Variants in EFCAB8 observed in about 807,000 individuals in gnomAD.
The protein encoded by EFCAB8 is EF-hand calcium binding domain 8, also known as EF-hand calcium-binding domain-containing protein 8.
A neutral mutation model predicts 116.3 loss-of-function variants in EFCAB8; 100 were observed. The observed-to-expected ratio is 0.86, with a 90% CI of 0.73 to 1.02. The LOEUF (loss-of-function observed/expected upper bound fraction) is 1.02, where lower values mean the gene tolerates loss of function less well. Among genes scored for constraint, EFCAB8 ranks in the 50% least tolerant of loss-of-function variants. EFCAB8 has a pLI of 0.00. For missense variants in EFCAB8, 1,320 were observed against 1,416.9 expected, an observed-to-expected ratio of 0.93 and a Z score of 1.10; for synonymous variants, 558 against 567.9, an observed-to-expected ratio of 0.98 and a Z score of 0.25.
At chr20:32,862,697 G>A (rs779862614) in intron 1 of EFCAB8, among the ~76,000 whole-genome samples, 1 of 151,838 alleles carries the variant, frequency 6.6e-6, no homozygotes, top group Admixed American at 6.6e-5. Flanking sequence ...GCTCGATCTC[G>A]GCTCATGGCA....
rs147867669 is a variant in EFCAB8 at position 32,957,542 on chromosome 20, C to T, written c.2960-879C>T. 6.7e-3 allele frequency among the ~76,000 whole-genome samples: 1,027 copies of T among 152,262 alleles called. 13 individuals are homozygous for T. In the Middle Eastern group the frequency reaches 0.071, roughly 11 times the overall value. On this transcript the variant is annotated intron_variant, in intron 23 of 26. Transcript: ENST00000400522. ...GGTTGAAATCTGTGTCTGTTTCAGG[C>T]TCCTCCTTCAGTGGGACTCTGTCTC... is the stretch of plus-strand genomic sequence containing the variant.
chr20:32,928,200 A>C (rs947415742), intron 20 of EFCAB8, among the ~76,000 whole-genome samples: 1 of 151,082 alleles, frequency 6.6e-6, no homozygotes, highest in African/African-American at 2.4e-5. Flanking sequence ...TCCTTTTCAG[A>C]TTGTTCAACG....
rs1986156330 is a variant in EFCAB8 at position 32,896,326 on chromosome 20, G to A, written c.884-128G>A. On this transcript the variant is annotated intron_variant, in intron 9 of 26. Coordinates refer to ENST00000400522, the MANE Select transcript of EFCAB8 (RefSeq NM_001143967.2). ...CAGGACACAGTGAGGTGCCAGTGAG[G>A]GTTTGGGTGGAAAAGCCTTTTGAGA... 9.4e-6 allele frequency: 6 copies of A among 640,144 alleles called. No homozygotes were observed. The Admixed American group carries it at 1.3e-4, about 14-fold the overall frequency. 39.7% of individuals were successfully genotyped at this position (640,144 alleles called of 1,614,324 possible).
intron 16 of EFCAB8, among the ~76,000 whole-genome samples, chr20:32,912,520 G>A (rs555663931): frequency 8.6e-5 from 13 of 151,992 alleles, no homozygotes; most frequent in Non-Finnish European, 1.6e-4. Flanking sequence ...TCACTCAGTA[G>A]TGACTTGACC....
chr20:32,916,557 C>T (rs1448029792), intron 17 of EFCAB8, among the ~76,000 whole-genome samples: 1 of 152,152 alleles, frequency 6.6e-6, no homozygotes, highest in Non-Finnish European at 1.5e-5. Context: ...CCATGCCTAG[C>T]CTAGGACCTC....
intron 26 of EFCAB8, 52 bp downstream of exon 26, chr20:32,960,213 T>C: frequency 2.0e-6 from 3 of 1,503,112 alleles, no homozygotes; most frequent in Non-Finnish European, 2.7e-6. Flanking sequence ...GGCCAGGGGA[T>C]CCCATGTCCA....
chr20:32,877,486 G>A (rs1985039693), intron 4 of EFCAB8, among the ~76,000 whole-genome samples: 1 of 152,178 alleles, frequency 6.6e-6, no homozygotes, highest in Non-Finnish European at 1.5e-5. Context: ...TGGGATTACA[G>A]GTGTGAGCCA....
chr20:32,956,477 TGATCAAATTTTCA>T lies in EFCAB8; in HGVS notation c.2960-1937_2960-1925del, dbSNP rs1224398594. On this transcript the variant is annotated intron_variant, in intron 23 of 26. Coordinates refer to ENST00000400522, the MANE Select transcript of EFCAB8 (RefSeq NM_001143967.2). ...TTAATAATTTTCAGATCAAATTTTC[TGATCAAATTTTCA>T]GATCAATAGTTTATTGATCTGAAAA... is the stretch of plus-strand genomic sequence containing the variant. Among the ~76,000 whole-genome samples the T allele has an allele frequency of 3.9e-5, 6 of 152,242 alleles. No individual in the cohort carries two copies. The East Asian group carries it at 7.8e-4, about 20-fold the overall frequency.
At chr20:32,897,813 CAG>C (rs1220478510) in intron 10 of EFCAB8, among the ~76,000 whole-genome samples, 1 of 152,112 alleles carries the variant, frequency 6.6e-6, no homozygotes, top group Non-Finnish European at 1.5e-5. Context: ...TGCTTGGTGA[CAG>C]TGTGTGTAAA....
rs1233963901 is a variant in EFCAB8 at position 32,875,707 on chromosome 20, C to T, written c.209-219C>T. 3.3e-5 allele frequency among the ~76,000 whole-genome samples: 5 copies of T among 151,898 alleles called. No homozygotes were observed. The South Asian group carries it at 1.0e-3, about 32-fold the overall frequency. On this transcript the variant is annotated intron_variant, in intron 3 of 26. Coordinates refer to ENST00000400522, the MANE Select transcript of EFCAB8 (RefSeq NM_001143967.2). The stretch of plus-strand genomic sequence containing the variant: ...TATTTTTAGTAGAGACAGGGTTTCA[C>T]CATGTGGATCAGGCTGGTCTTGAAC...
chr20:32,863,111 C>T (rs150523745), intron 1 of EFCAB8, among the ~76,000 whole-genome samples: 1 of 151,984 alleles, frequency 6.6e-6, no homozygotes, highest in Non-Finnish European at 1.5e-5. Context: ...GCCCCCTGTG[C>T]GTGTCTTGGG....
At chr20:32,931,737 G>A (rs1004053712) in intron 22 of EFCAB8, among the ~76,000 whole-genome samples, 15 of 152,286 alleles carry the variant, frequency 9.8e-5, no homozygotes, top group African/African-American at 4.8e-5. Flanking sequence ...CAGCCTGGGC[G>A]ACAGAGCAAG....
At chr20:32,876,346 C>T (rs575300856) in intron 4 of EFCAB8, among the ~76,000 whole-genome samples, 2 of 152,342 alleles carry the variant, frequency 1.3e-5, no homozygotes, top group East Asian at 3.9e-4. Flanking sequence ...TCCCATTTGG[C>T]TTGGGGGATT....
rs974737532 is a variant in EFCAB8 at position 32,866,793 on chromosome 20, TTCCC to T, written c.43-774_43-771del. Among the ~76,000 whole-genome samples, 27 of 138,836 alleles carry T rather than the reference TTCCC, an allele frequency of 1.9e-4. 1 individual carries two copies. The highest frequency in any genetic ancestry group is 5.7e-4 in the Admixed American group (8 of 13,988). 91.1% of individuals were successfully genotyped at this position (138,836 alleles called of 152,430 possible). A position where few individuals can be genotyped will look rare whatever the true frequency, so the allele number is the denominator to read the frequency against. On this transcript the variant is annotated intron_variant, in intron 2 of 26. Transcript: ENST00000400522. The stretch of plus-strand genomic sequence containing the variant: ...CTTCCTCCCTTTCTTCCTTCCTTCC[TTCCC>T]TCCCTCCCTCCCTCTCTTCCTTCCT...
At chr20:32,860,493 C>CTTTTTTTTTTTTTTTTTTTTTT (rs71190881) in intron 1 of EFCAB8, among the ~76,000 whole-genome samples, 1 of 84,004 alleles carries the variant, frequency 1.2e-5, no homozygotes, top group African/African-American at 7.8e-5. Flanking sequence ...ATGGTGGTAA[C>CTTTTTTTTTTTTTTTTTTTTTT]TTTTTTTTTT....
At chr20:32,908,759 A>G (rs1187598244) in intron 14 of EFCAB8, among the ~76,000 whole-genome samples, 2 of 152,190 alleles carry the variant, frequency 1.3e-5, no homozygotes, top group Non-Finnish European at 2.9e-5. Flanking sequence ...CATGAGCCTC[A>G]TAACTCTGTC....
At chr20:32,930,723 G>A in intron 21 of EFCAB8, 107 bp downstream of exon 21, 1 of 1,093,762 alleles carries the variant, frequency 9.1e-7, no homozygotes, top group Non-Finnish European at 1.3e-6. Context: ...CTGGGTACTG[G>A]TTCCATTTGT....
At chr20:32,950,103 A>T (rs567762976) in intron 23 of EFCAB8, among the ~76,000 whole-genome samples, 1 of 152,364 alleles carries the variant, frequency 6.6e-6, no homozygotes, top group South Asian at 2.1e-4. Flanking sequence ...TCGTAGGAGA[A>T]AACCTTTGTG....
intron 8 of EFCAB8, among the ~76,000 whole-genome samples, chr20:32,892,524 C>G (rs1681378707): frequency 1.3e-5 from 2 of 152,210 alleles, no homozygotes; most frequent in African/African-American, 4.8e-5. Flanking sequence ...CACTCCCCCA[C>G]CCAAGACAGC....
Sources: gnomAD v4.1 joint callset for allele counts (sites outside exome capture counted in the v4.1 genomes callset) on GRCh38, gnomAD v4.1.1 for gene constraint, MANE v1.5 for transcripts, NCBI Gene and HGNC (gene_info 2026-07-23, HGNC 2026-07-21) for gene names.